The following ZC3H3 variants were observed in gnomAD, a reference collection of about 807,000 sequenced individuals.
The protein encoded by ZC3H3 is zinc finger CCCH-type containing 3.
ZC3H3 carries 36 observed loss-of-function variants against 77.3 expected under a neutral mutation model. That is an observed-to-expected ratio of 0.47 (90% CI 0.36 to 0.61). The LOEUF (loss-of-function observed/expected upper bound fraction) is 0.61. Ranked by LOEUF, ZC3H3 falls within the 20% of genes least tolerant of loss-of-function variation. The pLI is 0.00. For missense variants in ZC3H3, 1,331 were observed against 1,312.2 expected (o/e 1.01, Z -0.22); for synonymous variants, 626 against 555.2 (o/e 1.13, Z -1.79).
chr8:143,452,699 CAG>C (rs1820019545), intron 9 of ZC3H3, among the ~76,000 whole-genome samples: 2 of 152,140 alleles, frequency 1.3e-5, no homozygotes, highest in Admixed American at 1.3e-4. Context: ...ATAAAAAACT[CAG>C]TGTGTGGCAC....
chr8:143,440,019 C>T lies in ZC3H3; in HGVS notation c.2815+22G>A, dbSNP rs759130791. On this transcript the variant is annotated intron_variant, in intron 11 of 11. Transcript: ENST00000262577. ...CTTGGTGAGGGGGGCCCTGGGGGCCCGAGCCAGGCCGTGCTGCCTACCTGA... is the reference window on the plus strand; with the variant it reads ...CTTGGTGAGGGGGGCCCTGGGGGCCTGAGCCAGGCCGTGCTGCCTACCTGA... The T allele has an allele frequency of 5.6e-5, 82 of 1,469,414 alleles. 2 individuals carry two copies. The highest frequency in any genetic ancestry group is 3.3e-4 in the South Asian group (24 of 73,378). 91.0% of individuals were successfully genotyped at this position (1,469,414 alleles called of 1,614,324 possible).
intron 3 of ZC3H3, among the ~76,000 whole-genome samples, chr8:143,527,040 GGGTGGCC>G (rs1822434426): frequency 6.6e-6 from 1 of 152,150 alleles, no homozygotes; most frequent in Non-Finnish European, 1.5e-5. Context: ...AGGCCAGCAG[GGGTGGCC>G]ATCGGGACGG....
In ZC3H3 at chr8:143,458,768, G is replaced by A. The variant is rs181427582; in HGVS notation, c.2307+6949C>T. Among the ~76,000 whole-genome samples the A allele has an allele frequency of 1.5e-3, 101 of 65,722 alleles. 17 individuals are homozygous for A. The highest frequency in any genetic ancestry group is 6.2e-3 in the African/African-American group (94 of 15,170). 43.1% of individuals were successfully genotyped at this position (65,722 alleles called of 152,430 possible). A position where few individuals can be genotyped will look rare whatever the true frequency, so the allele number is the denominator to read the frequency against. Reference sequence around the variant, plus strand: ...ACTTGAGCCCAGGACACAGCTGGGCGCAGCGGCTCACGCCTGTAACCCCAG... The same window carrying A: ...ACTTGAGCCCAGGACACAGCTGGGCACAGCGGCTCACGCCTGTAACCCCAG... On this transcript the variant is annotated intron_variant, in intron 9 of 11. Transcript: ENST00000262577.
chr8:143,515,047 G>C (rs34668844), intron 3 of ZC3H3, among the ~76,000 whole-genome samples: 4,246 of 152,286 alleles, frequency 0.028, 178 homozygotes, highest in African/African-American at 0.096. Flanking sequence ...CTCAGGGAGC[G>C]TGCCATGCCT....
intron 3 of ZC3H3, among the ~76,000 whole-genome samples, chr8:143,522,510 G>A (rs1403569696): frequency 6.6e-6 from 1 of 152,182 alleles, no homozygotes. Context: ...GGCTGAGGTG[G>A]GAGAATCTCT....
intron 5 of ZC3H3, among the ~76,000 whole-genome samples, chr8:143,473,208 CCT>C (rs1820625998): frequency 6.6e-6 from 1 of 152,120 alleles, no homozygotes; most frequent in Admixed American, 6.5e-5. Context: ...CAACCCATCT[CCT>C]CCCCCTGCTG....
intron 3 of ZC3H3, among the ~76,000 whole-genome samples, chr8:143,518,645 G>A (rs533652812): frequency 1.3e-4 from 20 of 152,338 alleles, no homozygotes; most frequent in Non-Finnish European, 1.8e-4. Flanking sequence ...GGTGTGCCCT[G>A]AGGGCCTCCT....
chr8:143,491,762 G>A (rs1532038), intron 4 of ZC3H3, among the ~76,000 whole-genome samples: 14,231 of 152,282 alleles, frequency 0.093, 808 homozygotes, highest in African/African-American at 0.15. Flanking sequence ...GGCAGAGGCC[G>A]TGCAGGGCTG....
intron 9 of ZC3H3, among the ~76,000 whole-genome samples, chr8:143,464,496 G>C (rs953385054): frequency 2.0e-5 from 3 of 152,180 alleles, no homozygotes; most frequent in Non-Finnish European, 4.4e-5. Context: ...GAGGATGAGG[G>C]AGAGGATGCT....
Position 143,533,367 on chromosome 8 carries a change from C to T in ZC3H3, c.1561+2890G>A, listed in dbSNP as rs551501214. Among the ~76,000 whole-genome samples, 6 of 152,292 alleles carry T rather than the reference C, an allele frequency of 3.9e-5. No individual in the cohort carries two copies. Among genetic ancestry groups the T allele is most frequent in the East Asian group, 1.9e-4 (1 of 5,166 alleles). ...ACCTCCTCAGAGAAGCCCTCCCACTCGCCAACCACCTCTCTGCAGCTGGCC... is the reference window on the plus strand; with the variant it reads ...ACCTCCTCAGAGAAGCCCTCCCACTTGCCAACCACCTCTCTGCAGCTGGCC... On this transcript the variant is annotated intron_variant, in intron 3 of 11. Transcript: ENST00000262577. This position sits in a 1 kb window ranked among gnomAD's most constrained non-coding sequence, Gnocchi z 4.0.
At chr8:143,461,650 CTG>C (rs1354407586) in intron 9 of ZC3H3, among the ~76,000 whole-genome samples, 2 of 152,264 alleles carry the variant, frequency 1.3e-5, no homozygotes, top group African/African-American at 4.8e-5. Context: ...CGGCTTGACT[CTG>C]TAATAAAAAC....
rs919241195 is a variant in ZC3H3, at chr8:143,521,291, G to A, written c.1562-13392C>T. 1.2e-4 allele frequency among the ~76,000 whole-genome samples: 18 copies of A among 152,242 alleles called. No individual in the cohort carries two copies. The East Asian group carries it at 3.5e-3, about 29-fold the overall frequency. On this transcript the variant is annotated intron_variant, in intron 3 of 11. Transcript: ENST00000262577. ...AGCACACCAAGATCCAGGCCGTGAA[G>A]GTGGTGATATGTGGGTGGAGCCTCG...
chr8:143,459,899 G>A (rs1157719898), intron 9 of ZC3H3, among the ~76,000 whole-genome samples: 1 of 152,090 alleles, frequency 6.6e-6, no homozygotes, highest in African/African-American at 2.4e-5. Context: ...TCTAAGATGA[G>A]GAAAAAGACA....
intron 4 of ZC3H3, among the ~76,000 whole-genome samples, chr8:143,498,635 C>T (rs1024366635): frequency 1.3e-5 from 2 of 151,970 alleles, no homozygotes; most frequent in South Asian, 4.2e-4. Flanking sequence ...GCCCACTCAC[C>T]ACCTTGGGCC....
chr8:143,471,835 C>T (rs531160647), intron 5 of ZC3H3, among the ~76,000 whole-genome samples: 1 of 152,368 alleles, frequency 6.6e-6, no homozygotes, highest in South Asian at 2.1e-4. Flanking sequence ...AAATTTATTT[C>T]TTTAATTATT....
At chr8:143,441,319 C>T (rs2294111) in intron 9 of ZC3H3, among the ~76,000 whole-genome samples, 199 bp from the exon 10 acceptor site, 53,509 of 152,174 alleles carry the variant, frequency 0.35, 9,795 homozygotes, top group South Asian at 0.56. Flanking sequence ...CTCACCCACC[C>T]ACAAGAGGCC....
intron 3 of ZC3H3, among the ~76,000 whole-genome samples, chr8:143,516,181 T>C (rs1586946858): frequency 6.6e-6 from 1 of 152,350 alleles, no homozygotes; most frequent in East Asian, 1.9e-4. Context: ...AGGACCGCAC[T>C]CTAACAAGCC....
intron 11 of ZC3H3, among the ~76,000 whole-genome samples, chr8:143,438,469 G>C (rs1438378984): frequency 6.6e-6 from 1 of 152,192 alleles, no homozygotes; most frequent in Non-Finnish European, 1.5e-5. Context: ...TGCACGTTCA[G>C]TGAGGCTGCC....
intron 3 of ZC3H3, among the ~76,000 whole-genome samples, chr8:143,514,997 C>T (rs1821988359): frequency 1.3e-5 from 2 of 152,274 alleles, no homozygotes; most frequent in Non-Finnish European, 2.9e-5. Context: ...AGTGCCCCCA[C>T]CATCCTGCAG....
Sources: allele counts gnomAD v4.1 joint callset (sites outside exome capture counted in the v4.1 genomes callset), GRCh38; gene constraint gnomAD v4.1.1; non-coding constraint Gnocchi (gnomAD v3.1); transcripts MANE v1.5; gene names NCBI Gene and HGNC (gene_info 2026-07-23, HGNC 2026-07-21).